CLCA4: variants seen among roughly 807,000 people sequenced by gnomAD.
CLCA4 encodes the protein calcium-activated chloride channel regulator 4.
Under a neutral mutation model 78.9 loss-of-function variants are expected in CLCA4, and 69 were observed. That is an observed-to-expected ratio of 0.87 (90% CI 0.72 to 1.07). The LOEUF (loss-of-function observed/expected upper bound fraction) is 1.07. Ranked by LOEUF, CLCA4 falls within the 50% of genes least tolerant of loss-of-function variation. CLCA4 has a pLI of 0.00. For missense variants in CLCA4, 1,133 were observed against 1,095.8 expected (o/e 1.03, Z -0.48); for synonymous variants, 362 against 375.8 (o/e 0.96, Z 0.42).
At chr1:86,566,144 G>A in intron 6 of CLCA4, 124 bp downstream of exon 6, 1 of 684,848 alleles carries the variant, frequency 1.5e-6, no homozygotes, top group Non-Finnish European at 2.3e-6. Flanking sequence ...CACTGCCCAT[G>A]ATCATGACTT....
In CLCA4 at chr1:86,575,526, A is replaced by G; in HGVS notation, c.1878A>G (p.Gly626=). Residue 626 remains glycine, a synonymous_variant, in exon 11 of 14, where the codon GGA becomes GGG. Coordinates refer to ENST00000370563, the MANE Select transcript of CLCA4 (RefSeq NM_012128.4). The part of the protein sequence containing the change: ...EILQGYVPVL[G]ANVTAFIESQ... ...TACAAGGATATGTACCTGTTCTTGG[A>G]GCCAATGTGACTGCTTTCATTGAAT... The G allele has an allele frequency of 6.2e-7, 1 of 1,613,442 alleles. No individual in the cohort carries two copies. The highest frequency in any genetic ancestry group is 8.5e-7 in the Non-Finnish European group (1 of 1,179,548).
intron 7 of CLCA4, among the ~76,000 whole-genome samples, chr1:86,567,987 G>A (rs555039546): frequency 3.3e-5 from 5 of 152,074 alleles, no homozygotes; most frequent in African/African-American, 9.6e-5. Context: ...TAACATTTGG[G>A]GAAATGACAC....
Position 86,577,922 on chromosome 1 carries a change from G to A in CLCA4, c.1972G>A (p.Asp658Asn). 1 of 1,611,584 alleles carries A rather than the reference G, an allele frequency of 6.2e-7. No homozygotes were observed. The highest frequency in any genetic ancestry group is 1.3e-5 in the African/African-American group (1 of 74,848). The change falls in exon 12 of 14, where the codon GAT (aspartate) becomes AAT (asparagine). Residue 658 changes from aspartate (D) to asparagine (N), a missense_variant. Physicochemically the swap from Asp to Asn is conservative, Grantham distance 23. Coordinates refer to ENST00000370563, the MANE Select transcript of CLCA4 (RefSeq NM_012128.4). ...NGAGADSFKN[D>N]GVYSRYFTAY... ...ACAAGGCGCTGATTCTTTCAAGAAT[G>A]ATGGAGTCTACTCCAGGTATTTTAC...
chr1:86,557,759 G>T (rs973565124), intron 1 of CLCA4, among the ~76,000 whole-genome samples: 1 of 152,120 alleles, frequency 6.6e-6, no homozygotes, highest in African/African-American at 2.4e-5. Context: ...TTCAGGTCCT[G>T]AATATCTTTG....
intron 1 of CLCA4, among the ~76,000 whole-genome samples, chr1:86,554,428 C>A (rs1169889953): frequency 6.6e-6 from 1 of 152,018 alleles, no homozygotes; most frequent in Non-Finnish European, 1.5e-5. Context: ...CCATGCCCAG[C>A]TAATTTTTGT....
At chr1:86,561,017 G>A (rs537202066) in intron 3 of CLCA4, among the ~76,000 whole-genome samples, 3 of 152,138 alleles carry the variant, frequency 2.0e-5, no homozygotes, top group Admixed American at 6.5e-5. Context: ...CTATTAAATG[G>A]GAACCTTGCT....
intron 1 of CLCA4, among the ~76,000 whole-genome samples, chr1:86,550,636 T>C (rs1027650488): frequency 1.3e-5 from 2 of 151,414 alleles, no homozygotes; most frequent in African/African-American, 2.4e-5. Context: ...ATAGTAAGTA[T>C]CACAGTCAGA....
chr1:86,553,975 CTTCTT>C (rs1200890913), intron 1 of CLCA4, among the ~76,000 whole-genome samples: 2 of 151,994 alleles, frequency 1.3e-5, no homozygotes, highest in African/African-American at 2.4e-5. Flanking sequence ...CCCATAGTGT[CTTCTT>C]TTCTTTTCTT....
rs200940473 is a variant in CLCA4 at position 86,571,244 on chromosome 1, C to T, written c.1350C>T (p.Ser450=). The T allele has an allele frequency of 1.6e-5, 25 of 1,610,832 alleles. 2 individuals are homozygous for T. The highest frequency in any genetic ancestry group is 2.0e-5 in the Non-Finnish European group (24 of 1,177,948). The change falls in exon 8 of 14, where the codon AGC becomes AGT. Residue 450 remains serine (S), a synonymous_variant. Transcript: ENST00000370563. ...RAADEAVIEM[S]KITGGSHFYV... ...CTGATGAAGCAGTAATAGAGATGAG[C>T]AAGATAACAGGTAAAACACGATCCA... is the stretch of plus-strand genomic sequence containing the variant.
chr1:86,569,580 G>C (rs2101810401), intron 7 of CLCA4, among the ~76,000 whole-genome samples: 1 of 152,110 alleles, frequency 6.6e-6, no homozygotes, highest in South Asian at 2.1e-4. Flanking sequence ...CAGTAAAAGT[G>C]GTAATAGGAA....
chr1:86,567,686 G>T (rs768747403), intron 7 of CLCA4, 35 bp downstream of exon 7: 1 of 1,563,082 alleles, frequency 6.4e-7, no homozygotes, highest in Non-Finnish European at 8.8e-7. Context: ...TTTGGTTTTT[G>T]TTTCTTTTCA....
intron 7 of CLCA4, among the ~76,000 whole-genome samples, chr1:86,569,127 A>G (rs1650279508): frequency 6.6e-6 from 1 of 152,068 alleles, no homozygotes; most frequent in African/African-American, 2.4e-5. Context: ...GATAATAAAT[A>G]GATAAATACA....
At chr1:86,556,388 C>T (rs561264806) in intron 1 of CLCA4, among the ~76,000 whole-genome samples, 66 of 150,942 alleles carry the variant, frequency 4.4e-4, no homozygotes, top group South Asian at 4.2e-4. Flanking sequence ...TCAATACCTA[C>T]GTTATTGTGG....
At chr1:86,557,298 G>A (rs1331756076) in intron 1 of CLCA4, among the ~76,000 whole-genome samples, 3 of 152,006 alleles carry the variant, frequency 2.0e-5, no homozygotes, top group African/African-American at 7.2e-5. Flanking sequence ...CAGTTGTAAT[G>A]TTAGGTTGTT....
In CLCA4 at chr1:86,580,195, A is replaced by C; in HGVS notation, c.2610A>C (p.Ala870=). Residue 870 remains alanine (A), a synonymous_variant, in exon 14 of 14, where the codon GCA becomes GCC. Transcript: ENST00000370563. ...AAGTAACTTTGTTTATCCCTCAAGC[A>C]AATCCTGATGACATTGATCCTACAC... ...IAQVTLFIPQ[A]NPDDIDPTPT... is the part of the protein sequence containing the mutation. 1 of 1,605,844 alleles carries C rather than the reference A, an allele frequency of 6.2e-7. No individual in the cohort carries two copies. The highest frequency in any genetic ancestry group is 8.5e-7 in the Non-Finnish European group (1 of 1,177,840).
At position 86,565,314 on chromosome 1, in the gene CLCA4, T is replaced by C. The variant is rs1650145904; in HGVS notation, c.598T>C (p.Cys200Arg). ...GISGRNRVYKCQGGSCLSRAC... is the reference protein window; with the variant it reads ...GISGRNRVYKRQGGSCLSRAC... Reference sequence around the variant, plus strand: ...CTCTGGTAGAAATAGAGTTTATAAGTGTCAAGGAGGCAGCTGTCTTAGTAG... The same window carrying C: ...CTCTGGTAGAAATAGAGTTTATAAGCGTCAAGGAGGCAGCTGTCTTAGTAG... The change falls in exon 5 of 14, where the codon TGT (cysteine) becomes CGT (arginine). Residue 200 changes from cysteine to arginine, a missense_variant. Coordinates refer to ENST00000370563, the MANE Select transcript of CLCA4 (RefSeq NM_012128.4). 1 of 1,608,806 alleles carries C rather than the reference T, an allele frequency of 6.2e-7. No individual in the cohort carries two copies. Among genetic ancestry groups the C allele is most frequent in the Non-Finnish European group, 8.5e-7 (1 of 1,177,604 alleles).
chr1:86,572,279 G>C (rs1650372337), intron 8 of CLCA4, among the ~76,000 whole-genome samples: 1 of 151,994 alleles, frequency 6.6e-6, no homozygotes. Context: ...ATATCTGAAA[G>C]TCAATTTTGT....
chr1:86,580,623 C>G lies in CLCA4; in HGVS notation c.*278C>G. 3.7e-6 allele frequency: 1 copy of G among 269,250 alleles called. No homozygotes were observed. The highest frequency in any genetic ancestry group is 1.6e-4 in the South Asian group (1 of 6,398). 16.7% of individuals were successfully genotyped at this position (269,250 alleles called of 1,614,324 possible). A position where few individuals can be genotyped will look rare whatever the true frequency, so the allele number is the denominator to read the frequency against. Reference sequence around the variant, plus strand: ...ACAAAGATCCTTTTTCATACTGATACCTGGTTGTATATTATTTGATGCAAC... The same window carrying G: ...ACAAAGATCCTTTTTCATACTGATAGCTGGTTGTATATTATTTGATGCAAC... On this transcript the variant is annotated 3_prime_UTR_variant, in exon 14 of 14. Transcript: ENST00000370563.
chr1:86,562,246 C>A (rs1345521148), intron 3 of CLCA4, among the ~76,000 whole-genome samples: 3 of 152,200 alleles, frequency 2.0e-5, no homozygotes, highest in Non-Finnish European at 4.4e-5. Flanking sequence ...GAGAACGAAT[C>A]AAGTCTGAGT....
Sources: gnomAD v4.1 joint callset for allele counts (sites outside exome capture counted in the v4.1 genomes callset) on GRCh38, gnomAD v4.1.1 for gene constraint, MANE v1.5 for transcripts, NCBI Gene and HGNC (gene_info 2026-07-23, HGNC 2026-07-21) for gene names.